Variants in CAPN9 observed in about 807,000 individuals in gnomAD.
CAPN9 encodes calpain 9, also known as calpain-9.
In CAPN9, 81 loss-of-function variants were observed where a neutral mutation model predicts 92.8. The ratio of observed to expected loss-of-function variants is 0.87; its 90% confidence interval spans 0.73 to 1.05. CAPN9 has a LOEUF of 1.05. CAPN9 is among the 50% of genes least tolerant of loss of function. CAPN9 has a pLI of 0.00. For synonymous variants in CAPN9, 304 were observed against 328.0 expected (o/e 0.93, Z 0.79); for missense variants, 848 against 866.2 (o/e 0.98, Z 0.26).
At position 230,792,830 on chromosome 1, in the gene CAPN9, T is replaced by C. The variant is rs763603705; in HGVS notation, c.1792-20T>C. The C allele has an allele frequency of 6.2e-7, 1 of 1,609,576 alleles. No individual in the cohort carries two copies. The highest frequency in any genetic ancestry group is 1.1e-5 in the South Asian group (1 of 90,918). The stretch of plus-strand genomic sequence containing the variant: ...TTTCAGGCACGCTCCTTCTCAAGGC[T>C]TCTGCTCTCCACCCTTTAGAACCTT... On this transcript the variant is annotated intron_variant, in intron 16 of 19. Coordinates refer to ENST00000271971, the MANE Select transcript of CAPN9 (RefSeq NM_006615.3).
At chr1:230,763,749 T>C (rs1388592425) in intron 4 of CAPN9, among the ~76,000 whole-genome samples, 5 of 152,248 alleles carry the variant, frequency 3.3e-5, no homozygotes, top group Admixed American at 3.3e-4. Flanking sequence ...GGAGGCATAC[T>C]GTGGTTAAAT....
At chr1:230,779,226 C>T in intron 9 of CAPN9, 93 bp downstream of exon 9, 3 of 1,195,712 alleles carry the variant, frequency 2.5e-6, no homozygotes, top group Non-Finnish European at 3.5e-6. Context: ...TCAGAGAAAG[C>T]CTGAAACATA....
intron 19 of CAPN9, among the ~76,000 whole-genome samples, chr1:230,799,487 C>T (rs75989226): frequency 6.6e-5 from 10 of 152,304 alleles, no homozygotes; most frequent in South Asian, 2.1e-4. Context: ...CGTATTATTA[C>T]GGTGAGCCAA....
rs755387691 is a variant in CAPN9, at chr1:230,772,118, C to T, written c.875+19C>T. 6.2e-7 allele frequency: 1 copy of T among 1,609,610 alleles called. No homozygotes were observed. ...GCGACAGGTCAGTCACCCTATCCTG[C>T]CTCTCTGGCTGGTTCCCGGGGCGTG... On this transcript the variant is annotated intron_variant, in intron 7 of 19. Transcript: ENST00000271971.
In CAPN9 at chr1:230,747,646, C is replaced by G; in HGVS notation, c.150C>G (p.Ala50=). Residue 50 remains alanine (A), a synonymous_variant, in exon 1 of 20, where the codon GCC becomes GCG. Coordinates refer to ENST00000271971, the MANE Select transcript of CAPN9 (RefSeq NM_006615.3). ...TGTTTGAGGATGCAGACTTCCCAGC[C>G]AGCAATTCCTCCCTGTTCTACAGTG... is the stretch of plus-strand genomic sequence containing the variant. The part of the protein sequence containing the change: ...GTLFEDADFP[A]SNSSLFYSER... The G allele has an allele frequency of 6.2e-7, 1 of 1,614,196 alleles. No individual in the cohort carries two copies. Among genetic ancestry groups the G allele is most frequent in the East Asian group, 2.2e-5 (1 of 44,876 alleles).
intron 7 of CAPN9, 82 bp downstream of exon 7, chr1:230,772,181 T>A: frequency 1.8e-6 from 2 of 1,114,358 alleles, no homozygotes; most frequent in Non-Finnish European, 2.7e-6. Flanking sequence ...TGTGAAGGAG[T>A]GGCCTGTCTA....
At chr1:230,780,936 G>C (rs1667176950) in intron 11 of CAPN9, among the ~76,000 whole-genome samples, 1 of 151,740 alleles carries the variant, frequency 6.6e-6, no homozygotes. Context: ...TGCCATCTCA[G>C]CTCACTGCAA....
chr1:230,754,961 G>T (rs895885505), intron 1 of CAPN9, among the ~76,000 whole-genome samples: 3 of 152,196 alleles, frequency 2.0e-5, no homozygotes, highest in Non-Finnish European at 2.9e-5. Context: ...GCCCACAGAG[G>T]TCACAGAGCT....
At position 230,759,533 on chromosome 1, in the gene CAPN9, C is replaced by T. The variant is rs12562749; in HGVS notation, c.305C>T (p.Ala102Val). ...GCAGGAGACTGCTGGCTATTAGCCGCCATCGCCTCCCTTACGCTTAATCAA... is the reference window on the plus strand; with the variant it reads ...GCAGGAGACTGCTGGCTATTAGCCGTCATCGCCTCCCTTACGCTTAATCAA... Reference protein sequence around the residue: ...GELGDCWLLAAIASLTLNQKA... With the variant: ...GELGDCWLLAVIASLTLNQKA... The change falls in exon 3 of 20, where the codon GCC becomes GTC. Residue 102 changes from alanine (A) to valine (V), a missense_variant. Physicochemically the swap from Ala to Val is moderately conservative, Grantham distance 64 (BLOSUM62 0). Transcript: ENST00000271971. 5.0e-3 allele frequency: 8,021 copies of T among 1,609,518 alleles called. 282 individuals are homozygous for T. The East Asian group carries it at 0.086, about 17-fold the overall frequency.
chr1:230,771,269 AG>A (rs1467902054), intron 6 of CAPN9, among the ~76,000 whole-genome samples: 1 of 152,240 alleles, frequency 6.6e-6, no homozygotes, highest in African/African-American at 2.4e-5. Context: ...CAAATGCATG[AG>A]GATAAAACAT....
At chr1:230,774,981 ACCACC>A (rs1329570875) in intron 8 of CAPN9, among the ~76,000 whole-genome samples, 1 of 151,414 alleles carries the variant, frequency 6.6e-6, no homozygotes, top group Non-Finnish European at 1.5e-5. Context: ...CCTCAGAGAA[ACCACC>A]CACCTTGGCC....
intron 11 of CAPN9, among the ~76,000 whole-genome samples, chr1:230,782,319 G>A (rs1667278246): frequency 6.6e-6 from 1 of 152,196 alleles, no homozygotes; most frequent in Admixed American, 6.5e-5. Flanking sequence ...ACAGACTCCT[G>A]ATTAAACAAA....
chr1:230,800,242 GA>G (rs771011440), intron 19 of CAPN9, among the ~76,000 whole-genome samples: 12 of 65,596 alleles, frequency 1.8e-4, no homozygotes, highest in South Asian at 1.7e-3. Context: ...AAGAAAGAAA[GA>G]AAGAAAGAAA....
At chr1:230,793,340 C>T (rs917982974) in intron 17 of CAPN9, among the ~76,000 whole-genome samples, 1 of 152,208 alleles carries the variant, frequency 6.6e-6, no homozygotes, top group Non-Finnish European at 1.5e-5. Flanking sequence ...GCATGCAGCA[C>T]CCATGGTTTG....
Position 230,767,586 on chromosome 1 carries a change from G to A in CAPN9, c.582G>A (p.Glu194=), listed in dbSNP as rs765102262. The part of the protein sequence containing the change: ...YEALKGGSAI[E]AMEDFTGGVA... ...CTCTGAAGGGAGGCAGCGCCATCGA[G>A]GCCATGGAAGACTTCACTGGGGGTG... Residue 194 remains glutamate (E), a synonymous_variant, in exon 5 of 20, where the codon GAG becomes GAA. Coordinates refer to ENST00000271971, the MANE Select transcript of CAPN9 (RefSeq NM_006615.3). The A allele has an allele frequency of 1.2e-5, 19 of 1,613,692 alleles. No homozygotes were observed. The highest frequency in any genetic ancestry group is 1.5e-5 in the Non-Finnish European group (18 of 1,179,802).
chr1:230,782,131 G>T (rs906397653), intron 11 of CAPN9, among the ~76,000 whole-genome samples: 1 of 152,106 alleles, frequency 6.6e-6, no homozygotes, highest in African/African-American at 2.4e-5. Flanking sequence ...TTATTAGTGG[G>T]GTGAGCTCAG....
chr1:230,767,511 T>C, intron 4 of CAPN9, 30 bp from the exon 5 acceptor site: 1 of 1,577,382 alleles, frequency 6.3e-7, no homozygotes, highest in Non-Finnish European at 8.6e-7. Context: ...GGTCCCTGAC[T>C]CTCTCCTCTC....
intron 4 of CAPN9, among the ~76,000 whole-genome samples, chr1:230,764,002 C>A (rs1665808353): frequency 6.6e-6 from 1 of 152,032 alleles, no homozygotes; most frequent in Non-Finnish European, 1.5e-5. Context: ...CATCTAGTTT[C>A]TAAACATAAA....
Position 230,767,701 on chromosome 1 carries a change from T to G in CAPN9, c.697T>G (p.Phe233Val). 1 of 1,612,482 alleles carries G rather than the reference T, an allele frequency of 6.2e-7. No homozygotes were observed. Among genetic ancestry groups the G allele is most frequent in the Non-Finnish European group, 8.5e-7 (1 of 1,179,420 alleles). Residue 233 changes from phenylalanine to valine, a missense_variant, in exon 5 of 20, where the codon TTC becomes GTC. Coordinates refer to ENST00000271971, the MANE Select transcript of CAPN9 (RefSeq NM_006615.3). ...GAAGAGAGGCTCCCTGCTGGGCTGC[T>G]TCATTGATGTAAGTTGCTCATGGGC... is the stretch of plus-strand genomic sequence containing the variant. ...ALKRGSLLGC[F>V]IDTRSAAESE...
Sources: gnomAD v4.1 joint callset for allele counts (sites outside exome capture counted in the v4.1 genomes callset) on GRCh38, gnomAD v4.1.1 for gene constraint, MANE v1.5 for transcripts, NCBI Gene and HGNC (gene_info 2026-07-23, HGNC 2026-07-21) for gene names.